ATP10A: variants seen among roughly 807,000 people sequenced by gnomAD.
ATP10A encodes the protein phospholipid-transporting ATPase VA.
Under a neutral mutation model 147.8 loss-of-function variants are expected in ATP10A, and 111 were observed. That is an observed-to-expected ratio of 0.75 (90% CI 0.64 to 0.88). The LOEUF is 0.88. ATP10A is among the 40% of genes least tolerant of loss of function. The pLI, the probability that ATP10A is intolerant of heterozygous loss-of-function variation, is 0.00. For missense variants in ATP10A, 1,927 were observed against 1,959.0 expected, an observed-to-expected ratio of 0.98 and a Z score of 0.31; for synonymous variants, 875 against 841.6, an observed-to-expected ratio of 1.04 and a Z score of -0.69.
At chr15:25,741,061 G>A (rs1487801739) in intron 2 of ATP10A, among the ~76,000 whole-genome samples, 1 of 152,192 alleles carries the variant, frequency 6.6e-6, no homozygotes, top group Non-Finnish European at 1.5e-5. Context: ...CGGCCCCCTG[G>A]TAGGGTAGGC....
chr15:25,798,877 G>T (rs1362670894), intron 1 of ATP10A, among the ~76,000 whole-genome samples: 1 of 151,260 alleles, frequency 6.6e-6, no homozygotes, highest in Non-Finnish European at 1.5e-5. Context: ...CACCAGCCCG[G>T]TACAGGGATC....
intron 1 of ATP10A, among the ~76,000 whole-genome samples, chr15:25,849,845 C>A (rs189799731): frequency 0.018 from 2,614 of 142,864 alleles, 41 homozygotes; most frequent in Non-Finnish European, 0.026. Flanking sequence ...ATTTTCTTTC[C>A]AAAAAAAAAA....
chr15:25,769,585 C>T (rs1022863293), intron 2 of ATP10A, among the ~76,000 whole-genome samples: 3 of 151,912 alleles, frequency 2.0e-5, no homozygotes, highest in African/African-American at 7.3e-5. Flanking sequence ...GGCCATCCTA[C>T]CCGGGTGCCT....
intron 2 of ATP10A, among the ~76,000 whole-genome samples, chr15:25,773,772 A>C (rs1203191174): frequency 6.6e-6 from 1 of 151,976 alleles, no homozygotes; most frequent in Non-Finnish European, 1.5e-5. Flanking sequence ...GTTTGCACTC[A>C]CACCTGTCTG....
chr15:25,788,478 T>C (rs1555470071), intron 1 of ATP10A, among the ~76,000 whole-genome samples: 1 of 152,244 alleles, frequency 6.6e-6, no homozygotes, highest in Non-Finnish European at 1.5e-5. Context: ...CTCTTCTGGC[T>C]GTCACCAGAC....
intron 15 of ATP10A, among the ~76,000 whole-genome samples, 158 bp downstream of exon 15, chr15:25,691,557 G>T (rs537417306): frequency 6.6e-6 from 1 of 152,216 alleles, no homozygotes; most frequent in East Asian, 1.9e-4. Context: ...CCTTCCACTA[G>T]TGGCTTAGCA....
intron 2 of ATP10A, among the ~76,000 whole-genome samples, chr15:25,746,417 C>T (rs982817304): frequency 3.1e-4 from 47 of 152,088 alleles, no homozygotes; most frequent in African/African-American, 1.1e-3. Context: ...TGGTAACATT[C>T]CTTTCTCAGT....
intron 2 of ATP10A, among the ~76,000 whole-genome samples, chr15:25,746,885 G>T (rs12898930): frequency 0.35 from 52,968 of 151,950 alleles, 9,595 homozygotes; most frequent in Non-Finnish European, 0.4. Context: ...GGAAATGCTC[G>T]CTGGAGATTT....
intron 1 of ATP10A, among the ~76,000 whole-genome samples, chr15:25,842,035 G>A (rs1451668840): frequency 6.6e-6 from 1 of 152,158 alleles, no homozygotes; most frequent in African/African-American, 2.4e-5. Flanking sequence ...ATAAAGGAGT[G>A]GAAGGCAGTT....
intron 12 of ATP10A, among the ~76,000 whole-genome samples, chr15:25,705,690 G>T (rs1900961712): frequency 6.6e-6 from 1 of 152,180 alleles, no homozygotes; most frequent in Admixed American, 6.5e-5. Context: ...TTAACAACCG[G>T]TCTGTGGGAG....
At chr15:25,844,180 G>A (rs1353413310) in intron 1 of ATP10A, among the ~76,000 whole-genome samples, 1 of 152,198 alleles carries the variant, frequency 6.6e-6, no homozygotes, top group East Asian at 1.9e-4. Context: ...TTTACAAGGG[G>A]TATGTGTCAC....
In ATP10A at chr15:25,718,411, G is replaced by A. The variant is rs1482912867; in HGVS notation, c.1364-12C>T. On this transcript the variant is annotated splice_polypyrimidine_tract_variant and intron_variant, in intron 7 of 20. Transcript: ENST00000555815. Reference sequence around the variant, plus strand: ...GGCCAGACGCTGCGCTGCGGGGAGAGGGCGCAGGGTGAGGCATCATGGGGG... The same window carrying A: ...GGCCAGACGCTGCGCTGCGGGGAGAAGGCGCAGGGTGAGGCATCATGGGGG... The A allele has an allele frequency of 1.1e-5, 18 of 1,578,592 alleles. No homozygotes were observed. The highest frequency in any genetic ancestry group is 6.8e-5 in the East Asian group (3 of 43,828).
downstream of ATP10A, among the ~76,000 whole-genome samples, chr15:25,675,020 G>A (rs746206297): frequency 2.6e-5 from 4 of 152,226 alleles, no homozygotes; most frequent in Admixed American, 6.5e-5. Context: ...TCATTAGGAA[G>A]AAAACCTTAA....
chr15:25,689,063 G>A (rs1899862271), intron 15 of ATP10A, among the ~76,000 whole-genome samples: 1 of 152,218 alleles, frequency 6.6e-6, no homozygotes, highest in Non-Finnish European at 1.5e-5. Context: ...TGGCCTACAA[G>A]GCCAAACTCT....
At position 25,721,728 on chromosome 15, in the gene ATP10A, G is replaced by A; in HGVS notation, c.1292C>T (p.Thr431Ile). The change falls in exon 7 of 21, where the codon ACT becomes ATT. Residue 431 changes from threonine (T) to isoleucine (I), a missense_variant. By Grantham distance (89) the Thr-to-Ile change is moderately conservative. Coordinates refer to ENST00000555815, the MANE Select transcript of ATP10A (RefSeq NM_024490.4). The part of the protein sequence containing the change: ...IQYIFSDKTG[T>I]LTENKMVFRR... ...GAAAACCATCTTATTCTCTGTCAAA[G>A]TGCCAGTTTTATCTGAGAAAATGTA... is the stretch of plus-strand genomic sequence containing the variant. 1.2e-6 allele frequency: 2 copies of A among 1,614,170 alleles called. No individual in the cohort carries two copies. Among genetic ancestry groups the A allele is most frequent in the Non-Finnish European group, 1.7e-6 (2 of 1,180,036 alleles).
chr15:25,680,954 TC>T, intron 18 of ATP10A, 39 bp downstream of exon 18: 1 of 1,613,510 alleles, frequency 6.2e-7, no homozygotes, highest in Non-Finnish European at 8.5e-7. Flanking sequence ...GGTCCCCGGA[TC>T]CAGCTGGTAA....
At chr15:25,745,052 G>C (rs887278404) in intron 2 of ATP10A, among the ~76,000 whole-genome samples, 2 of 152,200 alleles carry the variant, frequency 1.3e-5, no homozygotes, top group African/African-American at 4.8e-5. Flanking sequence ...GGGGCCGGGC[G>C]CGGTGGCTCA....
At chr15:25,742,330 G>A (rs967965944) in intron 2 of ATP10A, among the ~76,000 whole-genome samples, 6 of 152,210 alleles carry the variant, frequency 3.9e-5, no homozygotes, top group African/African-American at 1.4e-4. Context: ...AGGGGTGTCT[G>A]GGTTCTGCCT....
At chr15:25,672,768 T>C (rs1215132502), downstream of ATP10A, among the ~76,000 whole-genome samples, 3 of 152,190 alleles carry the variant, frequency 2.0e-5, no homozygotes, top group South Asian at 2.1e-4. Context: ...ACTATCCTTG[T>C]TATGAGATTT....
Sources: allele counts gnomAD v4.1 joint callset (sites outside exome capture counted in the v4.1 genomes callset), GRCh38; gene constraint gnomAD v4.1.1; transcripts MANE v1.5; gene names NCBI Gene and HGNC (gene_info 2026-07-23, HGNC 2026-07-21).